The following MMD2 variants were observed in gnomAD, a reference collection of about 807,000 sequenced individuals.
The protein encoded by MMD2 is monocyte to macrophage differentiation factor 2.
A neutral mutation model predicts 33.5 loss-of-function variants in MMD2; 30 were observed. That is an observed-to-expected ratio of 0.90 (90% confidence interval 0.67 to 1.22). MMD2 has a LOEUF of 1.22. Among genes scored for constraint, MMD2 ranks in the 50% most tolerant of loss-of-function variants. The pLI is 0.00. For missense variants in MMD2, 364 were observed against 325.4 expected (o/e 1.12, Z -0.91); for synonymous variants, 129 against 123.0 (o/e 1.05, Z -0.32).
chr7:4,958,809 C>A (rs73673227), intron 1 of MMD2, among the ~76,000 whole-genome samples, 162 bp downstream of exon 1: 3,654 of 152,258 alleles, frequency 0.024, 164 homozygotes, highest in African/African-American at 0.083. Context: ...AGCGAGAAGA[C>A]GAGGCTGCCT....
chr7:4,955,715 C>A (rs1335280391), intron 1 of MMD2, among the ~76,000 whole-genome samples: 3 of 152,008 alleles, frequency 2.0e-5, no homozygotes. Context: ...TTTCTTATAA[C>A]AAGATGGAAT....
At chr7:4,942,545 G>A (rs529057054) in intron 1 of MMD2, among the ~76,000 whole-genome samples, 1 of 152,062 alleles carries the variant, frequency 6.6e-6, no homozygotes, top group South Asian at 2.1e-4. Context: ...TGGGATTACA[G>A]GCATGAGCCA....
intron 3 of MMD2, among the ~76,000 whole-genome samples, chr7:4,917,625 G>A (rs1440556111): frequency 2.0e-5 from 3 of 151,776 alleles, no homozygotes; most frequent in Admixed American, 1.3e-4. Flanking sequence ...CTGGGAGGCG[G>A]AGCTTGCAGT....
rs542273383 is a variant in MMD2, at chr7:4,934,380, G to C, written c.48-8848C>G. 2.9e-3 allele frequency among the ~76,000 whole-genome samples: 438 copies of C among 152,324 alleles called. 3 individuals carry two copies. Among genetic ancestry groups the C allele is most frequent in the East Asian group, 2.5e-3 (13 of 5,194 alleles). Reference sequence around the variant, plus strand: ...CTGACTCCCAGAGTGCTGGGTTACAGGTGTGAGCCACTGGGCCTGGCAGGG... The same window carrying C: ...CTGACTCCCAGAGTGCTGGGTTACACGTGTGAGCCACTGGGCCTGGCAGGG... On this transcript the variant is annotated intron_variant, in intron 1 of 6. Coordinates refer to ENST00000401401, the MANE Select transcript of MMD2 (RefSeq NM_198403.4).
rs1785132100 is a variant in MMD2 at position 4,916,006 on chromosome 7, A to G, written c.364T>C (p.Trp122Arg). 6.2e-7 allele frequency: 1 copy of G among 1,613,330 alleles called. No individual in the cohort carries two copies. The highest frequency in any genetic ancestry group is 1.1e-5 in the South Asian group (1 of 91,080). Residue 122 changes from tryptophan to arginine, a missense_variant and splice_region_variant, in exon 4 of 7, where the codon TGG becomes CGG. Physicochemically the swap from Trp to Arg is moderately radical, Grantham distance 101. Transcript: ENST00000401401. The stretch of plus-strand genomic sequence containing the variant: ...GCTGGGCGGCGGGACGGTACTCACC[A>G]GGGTGCGTAGGAAGCCGCTATGAAG... The part of the protein sequence containing the change: ...YFFIAASYAP[W>R]LNLRELGPWA...
rs142849906 is a variant in MMD2 at position 4,950,887 on chromosome 7, A to G, written c.47+8084T>C. 5.9e-3 allele frequency among the ~76,000 whole-genome samples: 900 copies of G among 151,932 alleles called. 8 individuals are homozygous for G. The highest frequency in any genetic ancestry group is 7.7e-3 in the Non-Finnish European group (524 of 67,958). ...CACCACCATGTCCAGTTAATTTTGC[A>G]TTTTTAGTAGAGACAGGGTTTCACC... On this transcript the variant is annotated intron_variant, in intron 1 of 6. Coordinates refer to ENST00000401401, the MANE Select transcript of MMD2 (RefSeq NM_198403.4).
rs1394874824 is a variant in MMD2 at position 4,959,179 on chromosome 7, G to T, written c.-162C>A. On this transcript the variant is annotated 5_prime_UTR_variant, in exon 1 of 7. Coordinates refer to ENST00000401401, the MANE Select transcript of MMD2 (RefSeq NM_198403.4). ...GGAGCCGGAGCCCGAGCCGGAGCTG[G>T]AGGCGCCCGGAGCCGCCGACGCCAA... The T allele has an allele frequency of 6.9e-6, 3 of 433,342 alleles. No individual in the cohort carries two copies. Among genetic ancestry groups the T allele is most frequent in the South Asian group, 2.2e-4 (2 of 9,060 alleles). The allele number at this position is 433,342 out of a possible 1,614,324, so 26.8% of individuals were successfully genotyped here.
At chr7:4,932,461 G>C (rs982302790) in intron 1 of MMD2, among the ~76,000 whole-genome samples, 1 of 152,066 alleles carries the variant, frequency 6.6e-6, no homozygotes, top group African/African-American at 2.4e-5. Context: ...AGTTTTGTGA[G>C]TTTTGACAAA....
intron 1 of MMD2, among the ~76,000 whole-genome samples, chr7:4,929,039 A>T (rs1255649624): frequency 6.6e-6 from 1 of 152,150 alleles, no homozygotes; most frequent in South Asian, 2.1e-4. Flanking sequence ...ATATGCTGGT[A>T]TGGGCAGGGC....
intron 3 of MMD2, among the ~76,000 whole-genome samples, chr7:4,918,488 T>C (rs1256678906): frequency 1.4e-5 from 2 of 139,338 alleles, no homozygotes; most frequent in Admixed American, 6.8e-5. Context: ...TCTTTCTTTT[T>C]TTTTTTTTTT....
At chr7:4,941,647 A>G (rs1373451735) in intron 1 of MMD2, among the ~76,000 whole-genome samples, 1 of 148,978 alleles carries the variant, frequency 6.7e-6, no homozygotes, top group Non-Finnish European at 1.5e-5. Context: ...AAAAAAAAAG[A>G]CACTTTTTTT....
intron 1 of MMD2, among the ~76,000 whole-genome samples, chr7:4,939,330 G>A (rs896953653): frequency 1.3e-5 from 2 of 152,092 alleles, no homozygotes; most frequent in African/African-American, 4.8e-5. Context: ...CTTGAGGCCA[G>A]GAGTTCAAGA....
At chr7:4,924,588 C>T (rs550526608) in intron 2 of MMD2, among the ~76,000 whole-genome samples, 2 of 152,244 alleles carry the variant, frequency 1.3e-5, no homozygotes, top group South Asian at 4.1e-4. Context: ...TGGTGATGGG[C>T]CGTGAAGGCT....
At chr7:4,919,570 AAAAC>A (rs982832912) in intron 3 of MMD2, among the ~76,000 whole-genome samples, 5 of 151,982 alleles carry the variant, frequency 3.3e-5, no homozygotes, top group African/African-American at 7.2e-5. Flanking sequence ...TCTTTCTCAA[AAAAC>A]AAACAAACAA....
Position 4,928,773 on chromosome 7 carries a change from T to C in MMD2, c.48-3241A>G, listed in dbSNP as rs1223384365. Among the ~76,000 whole-genome samples, 5 of 151,546 alleles carry C rather than the reference T, an allele frequency of 3.3e-5. No individual in the cohort carries two copies. In the South Asian group the frequency reaches 1.0e-3, roughly 32 times the overall value. ...TATGCTGGCTCCATGCTAAGTACAGTTCATGGAGCATTTATTAAGTACCTT... is the reference window on the plus strand; with the variant it reads ...TATGCTGGCTCCATGCTAAGTACAGCTCATGGAGCATTTATTAAGTACCTT... On this transcript the variant is annotated intron_variant, in intron 1 of 6. Coordinates refer to ENST00000401401, the MANE Select transcript of MMD2 (RefSeq NM_198403.4).
At position 4,906,724 on chromosome 7, in the gene MMD2, T is replaced by A. The variant is rs1784875039; in HGVS notation, c.*672A>T. On this transcript the variant is annotated 3_prime_UTR_variant, in exon 7 of 7. Transcript: ENST00000401401. ...GGAGATGAGGAGATAGGCATGCAAA[T>A]GCCCATTTGGAGATTTTCAGCTACT... The A allele has an allele frequency of 2.5e-6, 1 of 394,904 alleles. No homozygotes were observed. The highest frequency in any genetic ancestry group is 2.1e-5 in the African/African-American group (1 of 48,568). 24.5% of individuals were successfully genotyped at this position (394,904 alleles called of 1,614,324 possible).
chr7:4,905,772 C>G (rs1442285091), downstream of MMD2, among the ~76,000 whole-genome samples: 1 of 152,274 alleles, frequency 6.6e-6, no homozygotes, highest in East Asian at 1.9e-4. This position sits in a 1 kb window ranked among gnomAD's most constrained non-coding sequence, Gnocchi z 5.0. Context: ...CCCCACTGAC[C>G]TCCAGCCCTG....
At chr7:4,953,520 G>C (rs762449379) in intron 1 of MMD2, among the ~76,000 whole-genome samples, 8 of 150,496 alleles carry the variant, frequency 5.3e-5, no homozygotes, top group Non-Finnish European at 7.4e-5. Flanking sequence ...GCCCAGGCTG[G>C]AGTGCAGTGG....
intron 2 of MMD2, among the ~76,000 whole-genome samples, chr7:4,921,759 C>T (rs1488041977): frequency 6.6e-6 from 1 of 152,110 alleles, no homozygotes; most frequent in Non-Finnish European, 1.5e-5. Flanking sequence ...GCTAGCCTCC[C>T]CGACACCCAG....
Sources: allele counts gnomAD v4.1 joint callset (sites outside exome capture counted in the v4.1 genomes callset), GRCh38; gene constraint gnomAD v4.1.1; non-coding constraint Gnocchi (gnomAD v3.1); transcripts MANE v1.5; gene names NCBI Gene and HGNC (gene_info 2026-07-23, HGNC 2026-07-21).